The following FAM53A variants were observed in gnomAD, a reference collection of about 807,000 sequenced individuals.
FAM53A encodes protein FAM53A.
In FAM53A, 28 loss-of-function variants were observed where a neutral mutation model predicts 26.6. The ratio of observed to expected loss-of-function variants is 1.05; its 90% CI spans 0.78 to 1.45. The LOEUF (loss-of-function observed/expected upper bound fraction) is 1.45. Ranked by LOEUF, FAM53A falls within the 40% of genes most tolerant of loss-of-function variation. FAM53A has a pLI of 0.00. For missense variants in FAM53A, 650 were observed against 575.8 expected (o/e 1.13, Z -1.32); for synonymous variants, 290 against 253.1 (o/e 1.15, Z -1.38).
At chr4:1,605,718 G>A in the FAM53A span, among the ~76,000 whole-genome samples, 1 of 152,104 alleles carries the variant, frequency 6.6e-6, no homozygotes, top group South Asian at 2.1e-4. The surrounding 1 kb of genome is among the most constrained non-coding windows in gnomAD (Gnocchi z 5.7). Context: ...CAAGGGTGGG[G>A]CTGCCCAGAG....
At chr4:1,642,385 G>C (rs1030802571) in intron 4 of FAM53A, among the ~76,000 whole-genome samples, 1 of 152,080 alleles carries the variant, frequency 6.6e-6, no homozygotes, top group Admixed American at 6.5e-5. Flanking sequence ...CCAGGCTCCG[G>C]CCCTCCCTCT....
intron 1 of FAM53A, among the ~76,000 whole-genome samples, chr4:1,678,948 T>C (rs1715219640): frequency 6.6e-6 from 1 of 151,632 alleles, no homozygotes; most frequent in Admixed American, 6.6e-5. Context: ...AAAATATAGA[T>C]GACTTTGGGT....
chr4:1,654,946 CCT>C (rs751129670), intron 4 of FAM53A, 30 bp downstream of exon 4: 3 of 1,498,484 alleles, frequency 2.0e-6, no homozygotes, highest in Admixed American at 4.4e-5. Context: ...GATCTACGCC[CCT>C]CTGAGCCCCT....
In FAM53A at chr4:1,655,091, G is replaced by T; in HGVS notation, c.769C>A (p.Arg257=). ...PALGGRRGLL[R]CRSQPCVLSG... ...AGCACGCAAGGCTGTGAGCGGCACC[G>T]GAGCAGCCCACGGCGCCCGCCCAGC... The change falls in exon 4 of 5, where the codon CGG becomes AGG. Residue 257 remains arginine (R), a synonymous_variant. Coordinates refer to ENST00000308132, the MANE Select transcript of FAM53A (RefSeq NM_001174070.3). 6.2e-7 allele frequency: 1 copy of T among 1,601,572 alleles called. No individual in the cohort carries two copies. The highest frequency in any genetic ancestry group is 8.5e-7 in the Non-Finnish European group (1 of 1,174,052).
intron 2 of FAM53A, among the ~76,000 whole-genome samples, chr4:1,663,170 C>T (rs905982857): frequency 1.3e-5 from 2 of 149,518 alleles, no homozygotes; most frequent in Admixed American, 1.3e-4. Context: ...CCAGCCTGGG[C>T]GAAAGAGCCA....
chr4:1,617,985 T>C (rs1218087239), exon 2 of FAM53A: 1 of 455,266 alleles, frequency 2.2e-6, no homozygotes, highest in Non-Finnish European at 4.4e-6. Context: ...AGAACTGACG[T>C]GTGTCACGAA....
At chr4:1,622,217 G>A (rs1437352178) in intron 1 of FAM53A, among the ~76,000 whole-genome samples, 4 of 152,208 alleles carry the variant, frequency 2.6e-5, no homozygotes, top group African/African-American at 7.2e-5. Context: ...AGGACCCGGA[G>A]TCACATCAGG....
At chr4:1,680,176 G>A (rs1256738506) in intron 1 of FAM53A, among the ~76,000 whole-genome samples, 34 of 151,492 alleles carry the variant, frequency 2.2e-4, no homozygotes, top group Non-Finnish European at 3.2e-4. Context: ...AAAATTAGCC[G>A]GGCATGGTGG....
chr4:1,652,602 C>T (rs1712953731), intron 4 of FAM53A, among the ~76,000 whole-genome samples: 1 of 149,502 alleles, frequency 6.7e-6, no homozygotes, highest in African/African-American at 2.5e-5. Context: ...ACACACCACA[C>T]ATCACTCACC....
At chr4:1,683,552 A>T (rs1715602403) in intron 1 of FAM53A, 1 of 152,226 alleles carries the variant, frequency 6.6e-6, no homozygotes, top group Admixed American at 6.5e-5. Context: ...TTGAAGCCAA[A>T]CTCATCCATC....
chr4:1,673,360 G>A (rs914875716), intron 1 of FAM53A, among the ~76,000 whole-genome samples: 2 of 152,234 alleles, frequency 1.3e-5, no homozygotes, highest in South Asian at 2.1e-4. Context: ...TGATGTGAAC[G>A]CCTGGAGGGT....
In FAM53A at chr4:1,659,078, T is replaced by C. The variant is rs1294951926; in HGVS notation, c.76-1610A>G. 6.6e-6 allele frequency among the ~76,000 whole-genome samples: 1 copy of C among 152,222 alleles called. No individual in the cohort carries two copies. Among genetic ancestry groups the C allele is most frequent in the African/African-American group, 2.4e-5 (1 of 41,456 alleles). On this transcript the variant is annotated intron_variant, in intron 2 of 4. Transcript: ENST00000308132. This position sits in a 1 kb window ranked among gnomAD's most constrained non-coding sequence, Gnocchi z 5.2. ...CCTGTAAAGGGAATAAGTTAAAAGTTGGGTTTGTGACCCCGAAAAAAGACA... is the reference window on the plus strand; with the variant it reads ...CCTGTAAAGGGAATAAGTTAAAAGTCGGGTTTGTGACCCCGAAAAAAGACA...
intron 1 of FAM53A, among the ~76,000 whole-genome samples, chr4:1,679,244 G>A (rs558752680): frequency 5.3e-5 from 8 of 151,122 alleles, no homozygotes; most frequent in Non-Finnish European, 7.4e-5. Flanking sequence ...AAAATTAGCC[G>A]GGCGTGTGGG....
the FAM53A span, among the ~76,000 whole-genome samples, chr4:1,612,021 T>C: frequency 2.0e-5 from 3 of 152,354 alleles, no homozygotes; most frequent in African/African-American, 7.2e-5. Context: ...GGAAAATTTA[T>C]ATTAAAAGTC....
intron 2 of FAM53A, among the ~76,000 whole-genome samples, chr4:1,663,136 G>A (rs748541693): frequency 4.6e-5 from 7 of 152,282 alleles, no homozygotes; most frequent in African/African-American, 7.2e-5. Context: ...GAGGCAGAGT[G>A]AGCCGAGATC....
At chr4:1,605,912 G>T in the FAM53A span, among the ~76,000 whole-genome samples, 2 of 152,080 alleles carry the variant, frequency 1.3e-5, no homozygotes, top group Non-Finnish European at 2.9e-5. This position sits in a 1 kb window ranked among gnomAD's most constrained non-coding sequence, Gnocchi z 5.7. Context: ...TCGTTGTCCC[G>T]TTCCTGTCCT....
intron 1 of FAM53A, among the ~76,000 whole-genome samples, chr4:1,676,568 G>C (rs995610023): frequency 6.6e-5 from 10 of 152,068 alleles, no homozygotes; most frequent in African/African-American, 2.2e-4. Context: ...CCAATACTGA[G>C]CTACTCCCAA....
chr4:1,652,747 CACACACCACACACAGACT>C (rs1712973711), intron 4 of FAM53A, among the ~76,000 whole-genome samples: 1 of 149,082 alleles, frequency 6.7e-6, no homozygotes, highest in South Asian at 2.1e-4. Flanking sequence ...ACACTGCACA[CACACACCACACACAGACT>C]ACACACCACA....
At chr4:1,681,958 G>A (rs78199017) in intron 1 of FAM53A, among the ~76,000 whole-genome samples, 335 of 152,294 alleles carry the variant, frequency 2.2e-3, no homozygotes, top group African/African-American at 7.7e-3. Flanking sequence ...GCTGCACAAA[G>A]CCCCGGGTTC....
Sources: gnomAD v4.1 joint callset for allele counts (sites outside exome capture counted in the v4.1 genomes callset) on GRCh38, gnomAD v4.1.1 for gene constraint, Gnocchi (gnomAD v3.1) non-coding constraint, MANE v1.5 for transcripts, NCBI Gene and HGNC (gene_info 2026-07-23, HGNC 2026-07-21) for gene names.